The following LAMB3 variants were observed in gnomAD, a reference collection of about 807,000 sequenced individuals.
LAMB3 encodes laminin subunit beta 3, also known as laminin subunit beta-3.
A neutral mutation model predicts 140.3 loss-of-function variants in LAMB3; 104 were observed. The observed-to-expected ratio is 0.74, with a 90% CI of 0.63 to 0.87. LAMB3 has a LOEUF of 0.87. LAMB3 is among the 40% of genes least tolerant of loss of function. The pLI, the probability that LAMB3 is intolerant of heterozygous loss-of-function variation, is 0.00. For synonymous variants in LAMB3, 592 were observed against 602.9 expected (o/e 0.98, Z 0.26); for missense variants, 1,531 against 1,575.2 (o/e 0.97, Z 0.47).
At position 209,632,600 on chromosome 1, in the gene LAMB3, G is replaced by C; in HGVS notation, c.805C>G (p.Pro269Ala). Residue 269 changes from proline to alanine, a missense_variant, in exon 8 of 23, where the codon CCC (proline) becomes GCC (alanine). By Grantham distance (27) the Pro-to-Ala change is conservative. Transcript: ENST00000356082. Reference sequence around the variant, plus strand: ...GCTGTTACCTGCACAGCGGTGGAGGGGCCTGCAGAGGCCCCAGGCTTGGGT... The same window carrying C: ...GCTGTTACCTGCACAGCGGTGGAGGCGCCTGCAGAGGCCCCAGGCTTGGGT... ...CAPKPGASAG[P>A]STAVQVHDVC... The C allele has an allele frequency of 6.2e-7, 1 of 1,613,978 alleles. No individual in the cohort carries two copies. Among genetic ancestry groups the C allele is most frequent in the Non-Finnish European group, 8.5e-7 (1 of 1,179,874 alleles).
In LAMB3 at chr1:209,626,932, C is replaced by T; in HGVS notation, c.1532G>A (p.Cys511Tyr). 6.2e-7 allele frequency: 1 copy of T among 1,613,856 alleles called. No homozygotes were observed. Among genetic ancestry groups the T allele is most frequent in the Non-Finnish European group, 8.5e-7 (1 of 1,179,968 alleles). ...ACACTGGCGGATGGCTGCAGCGCTG[C>T]ACATCAGGCCACCAAAGCCTTCCCG... The part of the protein sequence containing the change: ...PCREGFGGLM[C>Y]SAAAIRQCPD... Residue 511 changes from cysteine (C) to tyrosine (Y), a missense_variant, in exon 13 of 23, where the codon TGC becomes TAC. By Grantham distance (194) the Cys-to-Tyr change is radical (BLOSUM62 -2). Transcript: ENST00000356082.
chr1:209,635,439 G>A (rs1039870378), intron 5 of LAMB3, among the ~76,000 whole-genome samples: 6 of 152,074 alleles, frequency 3.9e-5, no homozygotes, highest in South Asian at 4.2e-4. Context: ...GCCTCACTCC[G>A]TCACTCAGGC....
chr1:209,618,853 G>A (rs1386064350), intron 18 of LAMB3, 194 bp from the exon 19 acceptor site: 7 of 649,302 alleles, frequency 1.1e-5, no homozygotes, highest in Middle Eastern at 8.1e-4. Context: ...GCTGTAGGAG[G>A]ATGACTATCC....
At chr1:209,641,125 T>C (rs2076465941) in intron 3 of LAMB3, among the ~76,000 whole-genome samples, 1 of 139,512 alleles carries the variant, frequency 7.2e-6, no homozygotes, top group South Asian at 2.3e-4. Flanking sequence ...GAAAGAAAAA[T>C]ACCTAGCACA....
In LAMB3 at chr1:209,644,197, G is replaced by A. The variant is rs376675191; in HGVS notation, c.184-5549C>T. 5.3e-5 allele frequency among the ~76,000 whole-genome samples: 8 copies of A among 152,320 alleles called. No homozygotes were observed. The East Asian group carries it at 1.3e-3, about 26-fold the overall frequency. ...TCAAAAGGCAGCACCTAGTGCAGGC[G>A]CTGGGTGGGAGGACAGCCGTATGTG... On this transcript the variant is annotated intron_variant, in intron 3 of 22. Coordinates refer to ENST00000356082, the MANE Select transcript of LAMB3 (RefSeq NM_000228.3).
chr1:209,615,900 T>C (rs867149771), intron 22 of LAMB3, among the ~76,000 whole-genome samples: 5 of 152,304 alleles, frequency 3.3e-5, no homozygotes, highest in South Asian at 2.1e-4. Context: ...GGACAAGTCA[T>C]GTTGACCTCA....
intron 14 of LAMB3, 32 bp from the exon 15 acceptor site, chr1:209,624,032 T>C: frequency 2.5e-6 from 4 of 1,600,848 alleles, no homozygotes; most frequent in Non-Finnish European, 2.6e-6. Context: ...CACTAAAATA[T>C]AGGAGGGAGT....
intron 20 of LAMB3, 62 bp from the exon 21 acceptor site, chr1:209,617,648 C>G (rs1666022352): frequency 1.3e-6 from 2 of 1,589,000 alleles, no homozygotes; most frequent in Admixed American, 1.7e-5. Context: ...GGGTTCATCC[C>G]CATTTTTTCT....
intron 2 of LAMB3, 45 bp downstream of exon 2, chr1:209,650,872 C>A (rs758640464): frequency 5.0e-6 from 8 of 1,596,468 alleles, no homozygotes; most frequent in Non-Finnish European, 6.9e-6. Context: ...GCTGTTGCCT[C>A]CCTGCCATAT....
chr1:209,618,794 C>T (rs1666085860), intron 18 of LAMB3, 135 bp from the exon 19 acceptor site: 2 of 784,148 alleles, frequency 2.6e-6, no homozygotes, highest in African/African-American at 1.7e-5. Context: ...GAGCTGCTGC[C>T]CCCTTTCAAC....
intron 14 of LAMB3, among the ~76,000 whole-genome samples, chr1:209,624,959 AGG>A (rs1297187178): frequency 5.3e-5 from 8 of 151,804 alleles, no homozygotes; most frequent in African/African-American, 1.9e-4. Flanking sequence ...GAAGGAAGGA[AGG>A]AAAAAAGAAG....
At chr1:209,624,880 G>GGAAGGA (rs1553276644) in intron 14 of LAMB3, among the ~76,000 whole-genome samples, 6 of 100,754 alleles carry the variant, frequency 6.0e-5, no homozygotes, top group African/African-American at 1.6e-4. Flanking sequence ...GAAAGAGAGA[G>GGAAGGA]AGGAAGGAAG....
At chr1:209,634,936 TC>T (rs1666842912) in intron 5 of LAMB3, among the ~76,000 whole-genome samples, 1 of 151,412 alleles carries the variant, frequency 6.6e-6, no homozygotes, top group African/African-American at 2.4e-5. Context: ...TCTCTCTCTC[TC>T]TCTCTCTCTC....
chr1:209,630,751 T>C lies in LAMB3; in HGVS notation c.823-16A>G. Reference sequence around the variant, plus strand: ...CATCGTGGACCTGGGAGGGGGACCGTCAGCCATCAGGAGTAATCAACAAAG... The same window carrying C: ...CATCGTGGACCTGGGAGGGGGACCGCCAGCCATCAGGAGTAATCAACAAAG... On this transcript the variant is annotated splice_polypyrimidine_tract_variant and intron_variant, in intron 8 of 22. Coordinates refer to ENST00000356082, the MANE Select transcript of LAMB3 (RefSeq NM_000228.3). 27 of 1,613,050 alleles carry C rather than the reference T, an allele frequency of 1.7e-5. No homozygotes were observed. Among genetic ancestry groups the C allele is most frequent in the Non-Finnish European group, 2.2e-5 (26 of 1,179,870 alleles).
rs939987536 is a variant in LAMB3, at chr1:209,625,376, C to T, written c.1976+272G>A. ...AGGCAGCACTGGGCACTTAAAAGAA[C>T]GCTGGGCTTGGGCTCCTGGACTGTG... is the stretch of plus-strand genomic sequence containing the variant. On this transcript the variant is annotated intron_variant, in intron 14 of 22. Transcript: ENST00000356082. Among the ~76,000 whole-genome samples the T allele has an allele frequency of 5.3e-5, 8 of 152,168 alleles. No individual in the cohort carries two copies. In the South Asian group the frequency reaches 8.3e-4, roughly 16 times the overall value.
chr1:209,642,499 A>G (rs1018744130), intron 3 of LAMB3, among the ~76,000 whole-genome samples: 3 of 152,006 alleles, frequency 2.0e-5, no homozygotes, highest in African/African-American at 7.3e-5. Flanking sequence ...TTTTTGAGAT[A>G]GGGTCTCACT....
At chr1:209,621,475 G>A (rs1340690534) in intron 18 of LAMB3, among the ~76,000 whole-genome samples, 1 of 152,196 alleles carries the variant, frequency 6.6e-6, no homozygotes, top group Non-Finnish European at 1.5e-5. Flanking sequence ...ATAGTAGCAA[G>A]AGGAGCCACT....
At chr1:209,649,819 C>G (rs968609753) in intron 3 of LAMB3, 145 bp downstream of exon 3, 1 of 889,800 alleles carries the variant, frequency 1.1e-6, no homozygotes, top group Non-Finnish European at 1.8e-6. Context: ...AAGGATCTGG[C>G]CTTATACTTT....
rs763633758 is a variant in LAMB3, at chr1:209,628,220, G to A, written c.1133-30C>T. The A allele has an allele frequency of 1.5e-5, 23 of 1,550,840 alleles. No homozygotes were observed. The highest frequency in any genetic ancestry group is 1.9e-5 in the Non-Finnish European group (22 of 1,147,130). On this transcript the variant is annotated intron_variant, in intron 10 of 22. Transcript: ENST00000356082. ...GAGACAACAGCAGCCACCGCAGTAG[G>A]AACAAAGAAAAGTAGAGTTCAGAGC...
Sources: gnomAD v4.1 joint callset for allele counts (sites outside exome capture counted in the v4.1 genomes callset) on GRCh38, gnomAD v4.1.1 for gene constraint, MANE v1.5 for transcripts, NCBI Gene and HGNC (gene_info 2026-07-23, HGNC 2026-07-21) for gene names.